ARMC8: variants seen among roughly 807,000 people sequenced by gnomAD.
The protein encoded by ARMC8 is armadillo repeat-containing protein 8.
In ARMC8, 20 loss-of-function variants were observed where a neutral mutation model predicts 99.3. That is an observed-to-expected ratio of 0.20 (90% confidence interval 0.14 to 0.29). ARMC8 has a LOEUF of 0.29. Ranked by LOEUF, ARMC8 falls within the 10% of genes least tolerant of loss-of-function variation. The probability of loss-of-function intolerance (pLI) is 1.00; values close to 1 mark genes in which losing one functional copy is unlikely to be tolerated. For missense variants in ARMC8, 569 were observed against 809.5 expected (o/e 0.70, Z 3.60); for synonymous variants, 263 against 278.3 (o/e 0.95, Z 0.55).
Position 138,270,098 on chromosome 3 carries a change from C to G in ARMC8, c.1445C>G (p.Pro482Arg). Residue 482 changes from proline to arginine, a missense_variant, in exon 16 of 22, where the codon CCT (proline) becomes CGT (arginine). Pro to Arg is a moderately radical substitution (Grantham distance 103). This residue lies in a region of ARMC8 where 227 missense variants were observed against 417.9 expected (regional missense o/e 0.54). Coordinates refer to ENST00000469044, the MANE Select transcript of ARMC8 (RefSeq NM_001363941.2). ...LLCGLTQSEN[P>R]ALRVNGIWAL... ...TGTGGATTAACTCAGAGTGAAAATCCTGCTTTACGAGTGAATGGAATTTGG... is the reference window on the plus strand; with the variant it reads ...TGTGGATTAACTCAGAGTGAAAATCGTGCTTTACGAGTGAATGGAATTTGG... 1 of 1,613,446 alleles carries G rather than the reference C, an allele frequency of 6.2e-7. No individual in the cohort carries two copies. The highest frequency in any genetic ancestry group is 8.5e-7 in the Non-Finnish European group (1 of 1,179,586).
intron 1 of ARMC8, among the ~76,000 whole-genome samples, chr3:138,192,716 A>G (rs2043465294): frequency 6.6e-6 from 1 of 152,038 alleles, no homozygotes; most frequent in African/African-American, 2.4e-5. Context: ...ATGCCTGGCC[A>G]TGTAGACGGG....
At chr3:138,276,075 G>A (rs1298875025) in intron 18 of ARMC8, among the ~76,000 whole-genome samples, 1 of 152,128 alleles carries the variant, frequency 6.6e-6, no homozygotes, top group Non-Finnish European at 1.5e-5. Flanking sequence ...AAGACAGAAA[G>A]GTGAGGCAAG....
chr3:138,195,151 G>A (rs559720287), intron 1 of ARMC8, among the ~76,000 whole-genome samples: 6 of 152,094 alleles, frequency 3.9e-5, no homozygotes, highest in East Asian at 3.9e-4. Context: ...GGTTGCAGGC[G>A]CCTGTAGTCC....
rs867313181 is a variant in ARMC8 at position 138,281,298 on chromosome 3, C to T, written c.1726-3133C>T. Among the ~76,000 whole-genome samples the T allele has an allele frequency of 9.6e-3, 1,370 of 142,328 alleles. 25 individuals carry two copies. The highest frequency in any genetic ancestry group is 0.034 in the African/African-American group (1,329 of 39,232). 93.4% of individuals were successfully genotyped at this position (142,328 alleles called of 152,430 possible). ...TTGGCCCAATAATTGATTTCTTTTT[C>T]TTTTTTTTTTTTTGATAGAGAGTCT... On this transcript the variant is annotated intron_variant, in intron 18 of 21. Coordinates refer to ENST00000469044, the MANE Select transcript of ARMC8 (RefSeq NM_001363941.2).
chr3:138,228,073 C>T (rs533930095), intron 5 of ARMC8, among the ~76,000 whole-genome samples: 1 of 152,290 alleles, frequency 6.6e-6, no homozygotes, highest in Non-Finnish European at 1.5e-5. Context: ...TCCGCCTCTC[C>T]GATTCAAGTG....
At chr3:138,226,061 C>T (rs1025055834) in intron 5 of ARMC8, among the ~76,000 whole-genome samples, 1 of 152,148 alleles carries the variant, frequency 6.6e-6, no homozygotes, top group Non-Finnish European at 1.5e-5. Context: ...GGCTTGATCT[C>T]GACTCACTGC....
intron 7 of ARMC8, among the ~76,000 whole-genome samples, chr3:138,235,798 CTTTTT>C (rs71146120): frequency 1.2e-5 from 1 of 80,540 alleles, no homozygotes; most frequent in African/African-American, 5.0e-5. Flanking sequence ...TCCTTTTAGT[CTTTTT>C]TTTTTTTTTT....
chr3:138,274,606 G>A (rs2049096370), intron 18 of ARMC8, 62 bp downstream of exon 18: 2 of 1,232,934 alleles, frequency 1.6e-6, no homozygotes, highest in South Asian at 2.5e-5. Flanking sequence ...AAGTTCTTAA[G>A]AGTCTCCTGA....
intron 12 of ARMC8, among the ~76,000 whole-genome samples, chr3:138,247,237 ACTTATGT>A (rs2046923361): frequency 6.6e-6 from 1 of 152,128 alleles, no homozygotes; most frequent in African/African-American, 2.4e-5. Context: ...TCTTGTTTAC[ACTTATGT>A]CTTATGAACT....
chr3:138,249,402 CAAAG>C (rs2047026273), intron 12 of ARMC8, among the ~76,000 whole-genome samples: 1 of 151,378 alleles, frequency 6.6e-6, no homozygotes, highest in African/African-American at 2.4e-5. Context: ...GGCTATCAAT[CAAAG>C]AAAACATGTT....
In ARMC8 at chr3:138,279,054, A is replaced by G. The variant is rs149531301; in HGVS notation, c.1725+4510A>G. ...GTTTCATTGTCTAGCTAGAACTTGC[A>G]GTGTAATGAGATGAGGATGAACATA... On this transcript the variant is annotated intron_variant, in intron 18 of 21. Transcript: ENST00000469044. Among the ~76,000 whole-genome samples the G allele has an allele frequency of 4.7e-4, 71 of 152,334 alleles. 1 individual carries two copies. Among genetic ancestry groups the G allele is most frequent in the Middle Eastern group, 3.4e-3 (1 of 294 alleles).
At chr3:138,281,225 T>G (rs2049884241) in intron 18 of ARMC8, among the ~76,000 whole-genome samples, 2 of 152,058 alleles carry the variant, frequency 1.3e-5, no homozygotes, top group Admixed American at 1.3e-4. Context: ...TGGGTGTGTG[T>G]GTGTGTGTGT....
intron 12 of ARMC8, among the ~76,000 whole-genome samples, chr3:138,247,916 T>A (rs1235128125): frequency 2.0e-5 from 3 of 152,232 alleles, no homozygotes; most frequent in African/African-American, 7.2e-5. Flanking sequence ...AATAAATATT[T>A]GTTGAATAAA....
chr3:138,259,903 A>C (rs1457133947), intron 12 of ARMC8, among the ~76,000 whole-genome samples: 1 of 152,116 alleles, frequency 6.6e-6, no homozygotes, highest in African/African-American at 2.4e-5. Flanking sequence ...ATGTCTTCCT[A>C]CCTTCCCTTT....
At chr3:138,284,307 G>A (rs1240213098) in intron 18 of ARMC8, 124 bp from the exon 19 acceptor site, 25 of 694,346 alleles carry the variant, frequency 3.6e-5, no homozygotes, top group Non-Finnish European at 6.4e-5. Context: ...AGAAATCAGG[G>A]CATTGAGAGT....
intron 1 of ARMC8, among the ~76,000 whole-genome samples, chr3:138,196,220 G>A (rs1191336444): frequency 6.6e-6 from 1 of 152,170 alleles, no homozygotes; most frequent in Non-Finnish European, 1.5e-5. Flanking sequence ...TGATTCACAG[G>A]ATTTATGCCT....
chr3:138,219,793 G>A (rs1454348791), intron 2 of ARMC8, among the ~76,000 whole-genome samples: 3 of 152,060 alleles, frequency 2.0e-5, no homozygotes, highest in Non-Finnish European at 4.4e-5. Flanking sequence ...TTCCTCTGTT[G>A]CCATCAGTTA....
chr3:138,288,204 A>ACACCT (rs1376186707), intron 19 of ARMC8, among the ~76,000 whole-genome samples: 2 of 152,132 alleles, frequency 1.3e-5, no homozygotes, highest in African/African-American at 4.8e-5. Context: ...GTGTGTGTGA[A>ACACCT]AGTCTAGGTG....
At position 138,209,898 on chromosome 3, in the gene ARMC8, G is replaced by A; in HGVS notation, c.122+5G>A. The A allele has an allele frequency of 6.2e-7, 1 of 1,609,732 alleles. No individual in the cohort carries two copies. The highest frequency in any genetic ancestry group is 8.5e-7 in the Non-Finnish European group (1 of 1,176,208). On this transcript the variant is annotated splice_donor_5th_base_variant and intron_variant, in intron 2 of 21. Coordinates refer to ENST00000469044, the MANE Select transcript of ARMC8 (RefSeq NM_001363941.2). The stretch of plus-strand genomic sequence containing the variant: ...GAAAGTTCTACAAGGTGTCATGTAA[G>A]TAGTATGTATTTAAGAGTCTATCAA...
Sources: allele counts gnomAD v4.1 joint callset (sites outside exome capture counted in the v4.1 genomes callset), GRCh38; gene constraint gnomAD v4.1.1; regional missense constraint gnomAD v4.1.1; transcripts MANE v1.5; gene names NCBI Gene and HGNC (gene_info 2026-07-23, HGNC 2026-07-21).